The following ETV6 variants were observed in gnomAD, a reference collection of about 807,000 sequenced individuals.
ETV6 encodes ETS variant transcription factor 6.
Under a neutral mutation model 51.1 loss-of-function variants are expected in ETV6, and 16 were observed. That is an observed-to-expected ratio of 0.31 (90% CI 0.21 to 0.48). The LOEUF (loss-of-function observed/expected upper bound fraction) is 0.48, where lower values mean the gene tolerates loss of function less well. ETV6 is among the 20% of genes least tolerant of loss of function. The pLI is 0.99. For synonymous variants in ETV6, 240 were observed against 224.1 expected, an observed-to-expected ratio of 1.07 and a Z score of -0.64; for missense variants, 458 against 594.8, an observed-to-expected ratio of 0.77 and a Z score of 2.39.
intron 1 of ETV6, among the ~76,000 whole-genome samples, chr12:11,689,742 T>C (rs142250419): frequency 9.3e-4 from 141 of 151,604 alleles, no homozygotes; most frequent in Middle Eastern, 3.4e-3. Flanking sequence ...CGCATTCTGG[T>C]TGGCCACATT....
At chr12:11,809,801 TAG>T (rs1465980000) in intron 2 of ETV6, among the ~76,000 whole-genome samples, 2 of 145,988 alleles carry the variant, frequency 1.4e-5, no homozygotes, top group African/African-American at 5.1e-5. Flanking sequence ...GGGGAGGGAA[TAG>T]AGCTTCTGCT....
intron 1 of ETV6, among the ~76,000 whole-genome samples, chr12:11,742,956 G>GCCA (rs975571857): frequency 6.6e-6 from 1 of 151,966 alleles, no homozygotes; most frequent in African/African-American, 2.4e-5. Flanking sequence ...ACAGGCACAT[G>GCCA]CCACCATGCC....
intron 1 of ETV6, among the ~76,000 whole-genome samples, chr12:11,730,735 G>A (rs192080648): frequency 6.6e-6 from 1 of 152,282 alleles, no homozygotes; most frequent in Admixed American, 6.5e-5. Context: ...CTTTTGCTTT[G>A]GAGTGTACAA....
At chr12:11,772,984 G>A (rs1221992361) in intron 2 of ETV6, among the ~76,000 whole-genome samples, 1 of 152,008 alleles carries the variant, frequency 6.6e-6, no homozygotes, top group Non-Finnish European at 1.5e-5. Context: ...CACAAGGTCA[G>A]GAGATCCAGA....
At chr12:11,792,103 G>T (rs118022790) in intron 2 of ETV6, among the ~76,000 whole-genome samples, 2 of 152,204 alleles carry the variant, frequency 1.3e-5, no homozygotes, top group Non-Finnish European at 2.9e-5. Flanking sequence ...CAATATACAC[G>T]TGTAGTATAA....
intron 1 of ETV6, among the ~76,000 whole-genome samples, chr12:11,689,120 C>G (rs1864694805): frequency 8.8e-6 from 1 of 113,752 alleles, no homozygotes; most frequent in African/African-American, 3.4e-5. Context: ...CAGGACTCAG[C>G]CTGGCAGGGA....
chr12:11,858,983 T>C (rs1290979385), intron 4 of ETV6, among the ~76,000 whole-genome samples: 4 of 152,100 alleles, frequency 2.6e-5, no homozygotes, highest in African/African-American at 9.7e-5. Flanking sequence ...GTTTTATTTA[T>C]ATGATTGCTT....
At chr12:11,670,443 A>G (rs6488443) in intron 1 of ETV6, among the ~76,000 whole-genome samples, 18,985 of 152,210 alleles carry the variant, frequency 0.12, 1,282 homozygotes, top group African/African-American at 0.17. Flanking sequence ...CAATAACTAA[A>G]TAGGCATTCC....
chr12:11,790,257 C>T (rs114427225), intron 2 of ETV6, among the ~76,000 whole-genome samples: 54 of 152,178 alleles, frequency 3.5e-4, no homozygotes, highest in African/African-American at 1.2e-3. Flanking sequence ...GTTTTCCCCA[C>T]GTTGCCTTTG....
At chr12:11,769,790 G>A (rs548789259) in intron 2 of ETV6, among the ~76,000 whole-genome samples, 3 of 152,306 alleles carry the variant, frequency 2.0e-5, no homozygotes, top group Non-Finnish European at 2.9e-5. Context: ...ACATTGAGGG[G>A]TTGATTATTT....
At chr12:11,690,755 C>T (rs1313530222) in intron 1 of ETV6, among the ~76,000 whole-genome samples, 6 of 151,792 alleles carry the variant, frequency 4.0e-5, no homozygotes, top group Non-Finnish European at 8.8e-5. Flanking sequence ...GGTGTGGTGG[C>T]GGGCGCCGGT....
At chr12:11,738,871 C>T (rs1462872265) in intron 1 of ETV6, among the ~76,000 whole-genome samples, 2 of 152,080 alleles carry the variant, frequency 1.3e-5, no homozygotes, top group South Asian at 2.1e-4. Context: ...AAGAGTGCCC[C>T]GAGCTCTAAG....
chr12:11,698,591 C>T (rs1313993588), intron 1 of ETV6, among the ~76,000 whole-genome samples: 1 of 31,164 alleles, frequency 3.2e-5, no homozygotes, highest in East Asian at 8.6e-4. Flanking sequence ...AACATGGCAG[C>T]CTGCTCCTTC....
intron 7 of ETV6, among the ~76,000 whole-genome samples, chr12:11,887,733 CGA>C (rs1565569145): frequency 6.9e-6 from 1 of 144,076 alleles, no homozygotes; most frequent in Non-Finnish European, 1.5e-5. Flanking sequence ...GGTGACAGAG[CGA>C]GACTCCATCT....
chr12:11,711,612 G>A (rs550139805), intron 1 of ETV6, among the ~76,000 whole-genome samples: 2 of 152,072 alleles, frequency 1.3e-5, no homozygotes, highest in African/African-American at 2.4e-5. Flanking sequence ...TGTTTTCTGC[G>A]GGAGATCTAT....
chr12:11,753,665 C>T (rs1866082652), intron 2 of ETV6, among the ~76,000 whole-genome samples: 2 of 152,218 alleles, frequency 1.3e-5, no homozygotes, highest in Admixed American at 1.3e-4. Context: ...GCAGGTTCTT[C>T]CTTTCTCTCT....
intron 1 of ETV6, chr12:11,751,891 T>C (rs372258155): frequency 4.2e-5 from 21 of 495,570 alleles, no homozygotes; most frequent in Non-Finnish European, 6.8e-5. Flanking sequence ...GGTTGTATAG[T>C]GAGATAGGTG....
chr12:11,804,349 C>T (rs1441676923), intron 2 of ETV6, among the ~76,000 whole-genome samples: 1 of 152,204 alleles, frequency 6.6e-6, no homozygotes, highest in Non-Finnish European at 1.5e-5. Flanking sequence ...TGGAAACCTT[C>T]TGAGTTCTCA....
At chr12:11,687,545 A>G (rs984863936) in intron 1 of ETV6, among the ~76,000 whole-genome samples, 2 of 152,194 alleles carry the variant, frequency 1.3e-5, no homozygotes, top group African/African-American at 2.4e-5. Context: ...TCACTCATGT[A>G]TCAAGATTGC....
Sources: gnomAD v4.1 joint callset for allele counts (sites outside exome capture counted in the v4.1 genomes callset) on GRCh38, gnomAD v4.1.1 for gene constraint, MANE v1.5 for transcripts, NCBI Gene and HGNC (gene_info 2026-07-23, HGNC 2026-07-21) for gene names.